The following KSR2 variants were observed in gnomAD, a reference collection of about 807,000 sequenced individuals.
KSR2 encodes the protein kinase suppressor of ras 2.
A neutral mutation model predicts 107.8 loss-of-function variants in KSR2; 25 were observed. That is an observed-to-expected ratio of 0.23 (90% CI 0.17 to 0.32). KSR2 has a LOEUF of 0.32. KSR2 is among the 10% of genes least tolerant of loss of function. The pLI, the probability that KSR2 is intolerant of heterozygous loss-of-function variation, is 1.00. For missense variants in KSR2, 887 were observed against 1,268.9 expected (o/e 0.70, Z 4.57); for synonymous variants, 480 against 507.0 (o/e 0.95, Z 0.71).
chr12:117,767,410 C>T (rs548579780), intron 3 of KSR2, among the ~76,000 whole-genome samples: 1 of 150,148 alleles, frequency 6.7e-6, no homozygotes, highest in Admixed American at 6.6e-5. Context: ...GCACTCCAGC[C>T]TGGGCGACAG....
intron 5 of KSR2, among the ~76,000 whole-genome samples, chr12:117,635,692 A>T: frequency 6.6e-6 from 1 of 152,230 alleles, no homozygotes; most frequent in East Asian, 1.9e-4. Context: ...CAGAGATAGT[A>T]CAAAAGAGTT....
rs1318673972 is a variant in KSR2 at position 117,461,666 on chromosome 12, T to A, written c.*5533A>T. 1 of 183,582 alleles carries A rather than the reference T, an allele frequency of 5.4e-6. No homozygotes were observed. Among genetic ancestry groups the A allele is most frequent in the African/African-American group, 2.4e-5 (1 of 42,462 alleles). The allele number at this position is 183,582 out of a possible 1,614,324, so 11.4% of individuals were successfully genotyped here. ...AGAGAGGACAGAGGTTCACTGCGGC[T>A]CCACATTCCAGGACCCAGACTGACA... On this transcript the variant is annotated 3_prime_UTR_variant, in exon 20 of 20. Coordinates refer to ENST00000339824, the MANE Select transcript of KSR2 (RefSeq NM_173598.6).
chr12:117,601,573 A>G (rs995711444), intron 5 of KSR2, among the ~76,000 whole-genome samples: 1 of 152,158 alleles, frequency 6.6e-6, no homozygotes, highest in Non-Finnish European at 1.5e-5. Flanking sequence ...TGAAGCATCT[A>G]CAAGCCAGTG....
intron 4 of KSR2, among the ~76,000 whole-genome samples, chr12:117,676,485 G>C (rs551777040): frequency 6.6e-6 from 1 of 152,176 alleles, no homozygotes; most frequent in East Asian, 1.9e-4. Context: ...AAAAGAAGGG[G>C]AGGAGGAAGA....
intron 4 of KSR2, among the ~76,000 whole-genome samples, chr12:117,697,717 GCA>G (rs1307369624): frequency 6.9e-6 from 1 of 145,972 alleles, no homozygotes; most frequent in Non-Finnish European, 1.5e-5. Flanking sequence ...CCTAGCCTGG[GCA>G]ACAGAGCGAG....
At chr12:117,929,750 C>T (rs1427687398) in intron 1 of KSR2, among the ~76,000 whole-genome samples, 1 of 152,004 alleles carries the variant, frequency 6.6e-6, no homozygotes, top group African/African-American at 2.4e-5. Context: ...GTGAAAGAAG[C>T]CAGACAAAAA....
chr12:117,951,222 T>C (rs1309993146), intron 1 of KSR2, among the ~76,000 whole-genome samples: 2 of 152,200 alleles, frequency 1.3e-5, no homozygotes, highest in African/African-American at 4.8e-5. Context: ...CCAGTGGTTC[T>C]TCTAAGAGGG....
chr12:117,956,772 A>AC (rs1896531663), intron 1 of KSR2, among the ~76,000 whole-genome samples: 1 of 151,386 alleles, frequency 6.6e-6, no homozygotes, highest in Non-Finnish European at 1.5e-5. Context: ...TCTTAAAAAA[A>AC]TTTTTTTTAA....
chr12:117,591,854 C>T (rs1055962257), intron 5 of KSR2, among the ~76,000 whole-genome samples: 3 of 151,748 alleles, frequency 2.0e-5, no homozygotes, highest in African/African-American at 4.8e-5. Flanking sequence ...AAAAAGAATA[C>T]AAAAGTTAGG....
At chr12:117,875,310 C>T (rs1029664429) in intron 1 of KSR2, among the ~76,000 whole-genome samples, 1 of 151,170 alleles carries the variant, frequency 6.6e-6, no homozygotes, top group Non-Finnish European at 1.5e-5. Context: ...GACAGAGCTC[C>T]AAATCCTCAC....
Position 117,612,125 on chromosome 12 carries a change from C to T in KSR2, c.1172-29766G>A, listed in dbSNP as rs78916508. Among the ~76,000 whole-genome samples the T allele has an allele frequency of 3.6e-3, 548 of 152,308 alleles. 2 individuals carry two copies. The highest frequency in any genetic ancestry group is 0.012 in the African/African-American group (482 of 41,542). ...AAATGGTTAAAGTGGTATATCTCATCCAGGCGCAGTGGCTCACGCCTGTAA... is the reference window on the plus strand; with the variant it reads ...AAATGGTTAAAGTGGTATATCTCATTCAGGCGCAGTGGCTCACGCCTGTAA... On this transcript the variant is annotated intron_variant, in intron 5 of 19. Transcript: ENST00000339824.
chr12:117,725,669 G>C (rs1238167361), intron 4 of KSR2, among the ~76,000 whole-genome samples: 2 of 152,172 alleles, frequency 1.3e-5, no homozygotes, highest in Non-Finnish European at 2.9e-5. Flanking sequence ...AAATTATTAG[G>C]CCGGGAGTAG....
intron 1 of KSR2, among the ~76,000 whole-genome samples, chr12:117,939,573 G>A (rs1018010124): frequency 4.6e-5 from 7 of 152,168 alleles, no homozygotes; most frequent in East Asian, 1.9e-4. Flanking sequence ...TTAGCTGGGC[G>A]TGGTGGCGGA....
chr12:117,583,894 G>A (rs963161509), intron 5 of KSR2, among the ~76,000 whole-genome samples: 1 of 152,206 alleles, frequency 6.6e-6, no homozygotes, highest in Admixed American at 6.5e-5. Flanking sequence ...AGCTGCAAAT[G>A]CATGCCTCAT....
At chr12:117,946,510 C>G (rs578239608) in intron 1 of KSR2, among the ~76,000 whole-genome samples, 16 of 152,218 alleles carry the variant, frequency 1.1e-4, no homozygotes, top group Admixed American at 1.3e-4. Context: ...TTAAAAGCCA[C>G]AAACTACCAA....
intron 3 of KSR2, among the ~76,000 whole-genome samples, chr12:117,830,844 T>C (rs567251689): frequency 3.9e-4 from 60 of 152,374 alleles, no homozygotes; most frequent in African/African-American, 1.4e-3. Context: ...AATACTGTCA[T>C]TTCTATTGAT....
At chr12:117,719,638 G>A (rs2136683185) in intron 4 of KSR2, among the ~76,000 whole-genome samples, 1 of 152,292 alleles carries the variant, frequency 6.6e-6, no homozygotes, top group Non-Finnish European at 1.5e-5. Context: ...GAAGCCAAAT[G>A]TCAGTTGCCA....
At chr12:117,585,071 CGTGTGTGT>C (rs369267215) in intron 5 of KSR2, among the ~76,000 whole-genome samples, 2 of 151,826 alleles carry the variant, frequency 1.3e-5, no homozygotes, top group Non-Finnish European at 2.9e-5. Flanking sequence ...TGTGTGTGTG[CGTGTGTGT>C]GTGTTACCAG....
At chr12:117,870,189 A>G (rs1226061042) in intron 1 of KSR2, among the ~76,000 whole-genome samples, 1 of 152,196 alleles carries the variant, frequency 6.6e-6, no homozygotes, top group African/African-American at 2.4e-5. Context: ...TTCTAAGTGA[A>G]TTCCCGAATT....
Sources: allele counts gnomAD v4.1 joint callset (sites outside exome capture counted in the v4.1 genomes callset), GRCh38; gene constraint gnomAD v4.1.1; transcripts MANE v1.5; gene names NCBI Gene and HGNC (gene_info 2026-07-23, HGNC 2026-07-21).